MACROH2A2: variants seen among roughly 807,000 people sequenced by gnomAD.
The protein encoded by MACROH2A2 is core histone macro-H2A.2.
MACROH2A2 carries 6 observed loss-of-function variants against 37.6 expected under a neutral mutation model. That is an observed-to-expected ratio of 0.16 (90% confidence interval 0.09 to 0.32). The LOEUF is 0.32. Ranked by LOEUF, MACROH2A2 falls within the 10% of genes least tolerant of loss-of-function variation. The probability of loss-of-function intolerance (pLI) is 1.00; values close to 1 mark genes in which losing one functional copy is unlikely to be tolerated. For synonymous variants in MACROH2A2, 192 were observed against 202.7 expected (o/e 0.95, Z 0.45); for missense variants, 290 against 485.9 (o/e 0.60, Z 3.79).
chr10:70,077,595 G>C (rs113002843), intron 2 of MACROH2A2, among the ~76,000 whole-genome samples: 4,150 of 149,154 alleles, frequency 0.028, 69 homozygotes, highest in South Asian at 0.042. Context: ...AATAAAGGCC[G>C]GGCACAGTGG....
chr10:70,053,583 G>C lies in MACROH2A2; in HGVS notation c.-60+583G>C, dbSNP rs958252155. Reference sequence around the variant, plus strand: ...CCCGAGTCCGGGGGCGGGCCGCGCCGGGGAAGGTCAGGTCGGGGACGCCGG... The same window carrying C: ...CCCGAGTCCGGGGGCGGGCCGCGCCCGGGAAGGTCAGGTCGGGGACGCCGG... On this transcript the variant is annotated intron_variant, in intron 1 of 8. Transcript: ENST00000373255. The surrounding 1 kb of genome is among the most constrained non-coding windows in gnomAD (Gnocchi z 4.8). 6.6e-6 allele frequency among the ~76,000 whole-genome samples: 1 copy of C among 151,626 alleles called. No homozygotes were observed. Among genetic ancestry groups the C allele is most frequent in the Non-Finnish European group, 1.5e-5 (1 of 67,830 alleles).
intron 2 of MACROH2A2, among the ~76,000 whole-genome samples, chr10:70,077,802 G>A (rs1168370497): frequency 6.6e-6 from 1 of 152,228 alleles, no homozygotes; most frequent in Non-Finnish European, 1.5e-5. Flanking sequence ...TCTGGAGTGA[G>A]GCCAAGGAAT....
chr10:70,084,851 C>T lies in MACROH2A2; in HGVS notation c.173-5209C>T, dbSNP rs142750769. Among the ~76,000 whole-genome samples the T allele has an allele frequency of 1.2e-4, 18 of 151,902 alleles. No homozygotes were observed. In the East Asian group the frequency reaches 3.1e-3, roughly 26 times the overall value. On this transcript the variant is annotated intron_variant, in intron 2 of 8. Transcript: ENST00000373255. ...TCCTGAGCTCAAGTGCTCTGCCTGC[C>T]TCTGCCTCTGCCTCCCAAAGTGCTG...
In MACROH2A2 at chr10:70,107,432, C is replaced by T. The variant is rs143199940; in HGVS notation, c.779-1601C>T. Among the ~76,000 whole-genome samples, 37 of 152,336 alleles carry T rather than the reference C, an allele frequency of 2.4e-4. No individual in the cohort carries two copies. The highest frequency in any genetic ancestry group is 8.9e-4 in the African/African-American group (37 of 41,576). Reference sequence around the variant, plus strand: ...TTACAAGTGCTGCCCCTAGTGGCCACGGACCCTTGCTACGCCGATTCCTGG... The same window carrying T: ...TTACAAGTGCTGCCCCTAGTGGCCATGGACCCTTGCTACGCCGATTCCTGG... On this transcript the variant is annotated intron_variant, in intron 7 of 8. Coordinates refer to ENST00000373255, the MANE Select transcript of MACROH2A2 (RefSeq NM_018649.3). This position sits in a 1 kb window ranked among gnomAD's most constrained non-coding sequence, Gnocchi z 4.4.
intron 5 of MACROH2A2, among the ~76,000 whole-genome samples, chr10:70,095,079 G>GA (rs2072266578): frequency 1.3e-5 from 2 of 152,164 alleles, no homozygotes; most frequent in Non-Finnish European, 2.9e-5. Context: ...AAGAAAGAAA[G>GA]GAGAGGGGGC....
At chr10:70,063,931 T>C (rs1202995366) in intron 1 of MACROH2A2, among the ~76,000 whole-genome samples, 2 of 152,320 alleles carry the variant, frequency 1.3e-5, no homozygotes, top group East Asian at 3.9e-4. Context: ...GGGAGCGTGA[T>C]AAGTGGGGAC....
chr10:70,088,047 T>C (rs1451361440), intron 2 of MACROH2A2, among the ~76,000 whole-genome samples: 2 of 152,256 alleles, frequency 1.3e-5, no homozygotes, highest in Non-Finnish European at 2.9e-5. Context: ...CAAAGTCATC[T>C]GTTAATTTTA....
At chr10:70,060,983 A>T (rs1189791256) in intron 1 of MACROH2A2, among the ~76,000 whole-genome samples, 1 of 152,080 alleles carries the variant, frequency 6.6e-6, no homozygotes, top group African/African-American at 2.4e-5. Context: ...GTCTAAAAAA[A>T]AAAAAAAGAA....
Position 70,075,863 on chromosome 10 carries a change from C to T in MACROH2A2, c.172+33C>T, listed in dbSNP as rs749826057. On this transcript the variant is annotated intron_variant, in intron 2 of 8. Transcript: ENST00000373255. The surrounding 1 kb of genome is among the most constrained non-coding windows in gnomAD (Gnocchi z 5.0). ...GGACACGCAAAGGAGGCTGCCTGCT[C>T]CCAGGTCCCCACCCTCCCCTGGGTC... The T allele has an allele frequency of 3.8e-6, 6 of 1,578,328 alleles. No homozygotes were observed. The highest frequency in any genetic ancestry group is 1.7e-5 in the Admixed American group (1 of 57,970).
chr10:70,087,289 G>A (rs903450385), intron 2 of MACROH2A2, among the ~76,000 whole-genome samples: 6 of 150,758 alleles, frequency 4.0e-5, no homozygotes, highest in African/African-American at 7.3e-5. Context: ...GCTGGAGTGC[G>A]GTGGCCCAGT....
intron 6 of MACROH2A2, among the ~76,000 whole-genome samples, chr10:70,098,048 C>A (rs2136639093): frequency 6.6e-6 from 1 of 152,162 alleles, no homozygotes; most frequent in South Asian, 2.1e-4. Context: ...TCCAGACCAA[C>A]CTGGGCACAT....
chr10:70,100,617 CT>C (rs34180859), intron 7 of MACROH2A2, among the ~76,000 whole-genome samples: 105 of 137,978 alleles, frequency 7.6e-4, no homozygotes, highest in African/African-American at 1.2e-3. Context: ...ATGTTTTGTT[CT>C]TTTTTTTTTT....
chr10:70,080,549 A>C (rs944502829), intron 2 of MACROH2A2, among the ~76,000 whole-genome samples: 1 of 152,118 alleles, frequency 6.6e-6, no homozygotes, highest in Non-Finnish European at 1.5e-5. Context: ...CAGCTTGGGC[A>C]AGATGGTGAG....
intron 2 of MACROH2A2, among the ~76,000 whole-genome samples, chr10:70,082,314 AG>A (rs2072183091): frequency 1.3e-5 from 2 of 151,938 alleles, no homozygotes; most frequent in Admixed American, 6.6e-5. Flanking sequence ...GCTGCCGGGG[AG>A]GCTGAGGCAG....
rs181286104 is a variant in MACROH2A2 at position 70,089,817 on chromosome 10, G to A, written c.173-243G>A. On this transcript the variant is annotated intron_variant, in intron 2 of 8. Coordinates refer to ENST00000373255, the MANE Select transcript of MACROH2A2 (RefSeq NM_018649.3). ...TCTGTTGCCCAGGCTGGGGTGCAGT[G>A]GCACAATCATAGCTCACTGCAGCCT... is the stretch of plus-strand genomic sequence containing the variant. Among the ~76,000 whole-genome samples the A allele has an allele frequency of 1.2e-3, 176 of 151,986 alleles. 1 individual carries two copies. Among genetic ancestry groups the A allele is most frequent in the African/African-American group, 4.1e-3 (170 of 41,420 alleles).
At chr10:70,109,994 T>G (rs1358031669) in intron 8 of MACROH2A2, among the ~76,000 whole-genome samples, 1 of 152,196 alleles carries the variant, frequency 6.6e-6, no homozygotes, top group Non-Finnish European at 1.5e-5. Context: ...AGCTGTGTCC[T>G]GGGAAGCCCA....
chr10:70,100,373 A>G, intron 7 of MACROH2A2, 76 bp downstream of exon 7: 1 of 765,862 alleles, frequency 1.3e-6, no homozygotes, highest in Non-Finnish European at 2.2e-6. Flanking sequence ...CACGTGCCTC[A>G]TGCCTATTCA....
chr10:70,085,171 AG>A (rs2072203510), intron 2 of MACROH2A2, among the ~76,000 whole-genome samples: 1 of 152,178 alleles, frequency 6.6e-6, no homozygotes, highest in African/African-American at 2.4e-5. Context: ...GATCTCTGGT[AG>A]GAGCCATGTG....
chr10:70,078,802 T>G (rs1273780206), intron 2 of MACROH2A2, among the ~76,000 whole-genome samples: 7 of 152,206 alleles, frequency 4.6e-5, no homozygotes, highest in African/African-American at 1.7e-4. Flanking sequence ...ATCATATTAG[T>G]GGAATTGCAA....
Sources: allele counts gnomAD v4.1 joint callset (sites outside exome capture counted in the v4.1 genomes callset), GRCh38; gene constraint gnomAD v4.1.1; non-coding constraint Gnocchi (gnomAD v3.1); transcripts MANE v1.5; gene names NCBI Gene and HGNC (gene_info 2026-07-23, HGNC 2026-07-21).